Variants in RGS6 observed in about 807,000 individuals in gnomAD.
RGS6 encodes regulator of G protein signaling 6, also known as regulator of G-protein signaling 6.
In RGS6, 30 loss-of-function variants were observed where a neutral mutation model predicts 78.5. The observed-to-expected ratio is 0.38, with a 90% CI of 0.29 to 0.52. The LOEUF is 0.52. Among genes scored for constraint, RGS6 ranks in the 20% least tolerant of loss-of-function variants. The probability of loss-of-function intolerance (pLI) is 0.85; values close to 1 mark genes in which losing one functional copy is unlikely to be tolerated. For missense variants in RGS6, 495 were observed against 609.7 expected (o/e 0.81, Z 1.98); for synonymous variants, 206 against 206.0 (o/e 1.00, Z 0.00).
intron 3 of RGS6, among the ~76,000 whole-genome samples, chr14:72,413,937 A>G (rs910557732): frequency 6.6e-6 from 1 of 152,176 alleles, no homozygotes; most frequent in Non-Finnish European, 1.5e-5. Flanking sequence ...CTGAGAGATC[A>G]GCTGTTAGTC....
At chr14:72,573,589 G>T in the RGS6 span, among the ~76,000 whole-genome samples, 2 of 152,154 alleles carry the variant, frequency 1.3e-5, no homozygotes, top group Admixed American at 1.3e-4. Flanking sequence ...TCTGGGAAGG[G>T]GGTCAAATTG....
chr14:71,934,515 A>G (rs2088640679), intron 1 of RGS6, among the ~76,000 whole-genome samples: 7 of 152,244 alleles, frequency 4.6e-5, no homozygotes, highest in Admixed American at 4.6e-4. Context: ...GAGTTTCAGT[A>G]AAACAAGACT....
intron 14 of RGS6, among the ~76,000 whole-genome samples, chr14:72,517,461 T>C (rs2096964410): frequency 6.7e-6 from 1 of 149,950 alleles, no homozygotes. Flanking sequence ...GCTGCTGCTC[T>C]CAGCAGAAAA....
At chr14:71,917,492 A>C in the RGS6 span, among the ~76,000 whole-genome samples, 1 of 152,308 alleles carries the variant, frequency 6.6e-6, no homozygotes, top group East Asian at 1.9e-4. Flanking sequence ...ATGTCAAGCA[A>C]CAGGAGGTTT....
intron 2 of RGS6, among the ~76,000 whole-genome samples, chr14:72,307,457 C>G (rs1489314031): frequency 1.3e-5 from 2 of 151,958 alleles, no homozygotes; most frequent in Non-Finnish European, 2.9e-5. Flanking sequence ...CATCTGGAAT[C>G]TATGCTGATA....
At chr14:72,158,067 G>A (rs895133645) in intron 2 of RGS6, among the ~76,000 whole-genome samples, 1 of 152,100 alleles carries the variant, frequency 6.6e-6, no homozygotes, top group African/African-American at 2.4e-5. Context: ...CCTGACCAGT[G>A]TATCAGTTTG....
At chr14:72,029,762 A>T (rs1192489434) in intron 2 of RGS6, among the ~76,000 whole-genome samples, 6 of 152,232 alleles carry the variant, frequency 3.9e-5, no homozygotes, top group Admixed American at 1.3e-4. Flanking sequence ...ATAAGGAAAA[A>T]AAATAAAGAA....
intron 2 of RGS6, among the ~76,000 whole-genome samples, chr14:72,050,812 T>C (rs1165239741): frequency 6.6e-6 from 1 of 152,170 alleles, no homozygotes; most frequent in Non-Finnish European, 1.5e-5. Flanking sequence ...AGGGCTGACT[T>C]TGCGCATATG....
the RGS6 span, among the ~76,000 whole-genome samples, chr14:71,872,623 GT>G: frequency 3.3e-5 from 5 of 151,954 alleles, no homozygotes; most frequent in Admixed American, 1.3e-4. Context: ...ATATCAGTAA[GT>G]TTTTTTTGTG....
At chr14:71,980,197 G>A (rs1945876194) in intron 2 of RGS6, among the ~76,000 whole-genome samples, 1 of 101,014 alleles carries the variant, frequency 9.9e-6, no homozygotes, top group Non-Finnish European at 2.0e-5. Context: ...CACACTGATG[G>A]GTCTTGACTC....
rs139832170 is a variant in RGS6, at chr14:72,286,365, T to C, written c.85-65730T>C. Among the ~76,000 whole-genome samples the C allele has an allele frequency of 3.3e-3, 504 of 152,370 alleles. 2 individuals are homozygous for C. Among genetic ancestry groups the C allele is most frequent in the African/African-American group, 0.012 (492 of 41,588 alleles). On this transcript the variant is annotated intron_variant, in intron 2 of 17. Transcript: ENST00000553525. ...CACTGTCTCTTCTGTTCCATTGATC[T>C]ATATGTCTGTCTTTACGCCAGTAAC... is the stretch of plus-strand genomic sequence containing the variant.
intron 12 of RGS6, among the ~76,000 whole-genome samples, chr14:72,485,249 T>C (rs1231897201): frequency 6.6e-6 from 1 of 152,228 alleles, no homozygotes; most frequent in African/African-American, 2.4e-5. Context: ...CTCATCCCAA[T>C]TCTGCTTTTC....
intron 17 of RGS6, among the ~76,000 whole-genome samples, chr14:72,544,647 G>C (rs148644681): frequency 1.3e-5 from 2 of 152,194 alleles, no homozygotes; most frequent in African/African-American, 2.4e-5. Flanking sequence ...GCATCTCTGC[G>C]ACAGGCTTTC....
At chr14:72,237,069 A>G (rs1264054090) in intron 2 of RGS6, among the ~76,000 whole-genome samples, 1 of 152,128 alleles carries the variant, frequency 6.6e-6, no homozygotes, top group Non-Finnish European at 1.5e-5. Context: ...CTAGAATCAT[A>G]TAGTATGTAC....
chr14:72,305,018 C>T (rs1319134977), intron 2 of RGS6, among the ~76,000 whole-genome samples: 1 of 152,212 alleles, frequency 6.6e-6, no homozygotes, highest in African/African-American at 2.4e-5. Flanking sequence ...ACTTTCTGAT[C>T]TTGGCCAAGG....
At chr14:72,540,861 G>A in intron 17 of RGS6, 1 of 985,430 alleles carries the variant, frequency 1.0e-6, no homozygotes, top group Non-Finnish European at 1.2e-6. Context: ...TAGAGAGGTA[G>A]AGCTCCCCAC....
At chr14:72,307,841 A>G (rs1046264327) in intron 2 of RGS6, among the ~76,000 whole-genome samples, 27 of 152,218 alleles carry the variant, frequency 1.8e-4, no homozygotes, top group Non-Finnish European at 3.2e-4. Context: ...AAATTTTCCA[A>G]TCAAAGACTG....
chr14:72,574,804 G>A, the RGS6 span, among the ~76,000 whole-genome samples: 36 of 152,326 alleles, frequency 2.4e-4, no homozygotes, highest in Admixed American at 6.5e-4. Flanking sequence ...GACTCCATGA[G>A]CAGAGTGTGC....
chr14:72,312,165 G>C lies in RGS6; in HGVS notation c.85-39930G>C, dbSNP rs148271683. Among the ~76,000 whole-genome samples, 20 of 151,698 alleles carry C rather than the reference G, an allele frequency of 1.3e-4. No homozygotes were observed. The South Asian group carries it at 1.7e-3, about 13-fold the overall frequency. On this transcript the variant is annotated intron_variant, in intron 2 of 17. Coordinates refer to ENST00000553525, the MANE Select transcript of RGS6 (RefSeq NM_001204424.2). ...TTTCTGCAGGGGAATGTGTACTCTGGTGTTCGGTATTAAAGCTTCTACATG... is the reference window on the plus strand; with the variant it reads ...TTTCTGCAGGGGAATGTGTACTCTGCTGTTCGGTATTAAAGCTTCTACATG...
Sources: gnomAD v4.1 joint callset for allele counts (sites outside exome capture counted in the v4.1 genomes callset) on GRCh38, gnomAD v4.1.1 for gene constraint, MANE v1.5 for transcripts, NCBI Gene and HGNC (gene_info 2026-07-23, HGNC 2026-07-21) for gene names.